The following UVRAG variants were observed in gnomAD, a reference collection of about 807,000 sequenced individuals.
UVRAG encodes the protein UV radiation resistance associated.
UVRAG carries 19 observed loss-of-function variants against 78.0 expected under a neutral mutation model. The ratio of observed to expected loss-of-function variants is 0.24; its 90% CI spans 0.17 to 0.36. UVRAG has a LOEUF of 0.36. UVRAG is among the 10% of genes least tolerant of loss of function. UVRAG has a pLI of 1.00. For missense variants in UVRAG, 740 were observed against 853.8 expected (o/e 0.87, Z 1.66); for synonymous variants, 323 against 324.6 (o/e 1.00, Z 0.05).
intron 7 of UVRAG, among the ~76,000 whole-genome samples, chr11:75,965,936 G>A (rs1949014631): frequency 1.3e-5 from 2 of 152,030 alleles, no homozygotes; most frequent in African/African-American, 4.8e-5. Flanking sequence ...AGTAAGAACA[G>A]GAATCCTCAC....
At chr11:76,087,599 C>A (rs150036869) in intron 13 of UVRAG, among the ~76,000 whole-genome samples, 1 of 151,934 alleles carries the variant, frequency 6.6e-6, no homozygotes, top group Non-Finnish European at 1.5e-5. Flanking sequence ...CTTCGAAGCT[C>A]GGAAAAATTA....
chr11:76,007,511 T>C, intron 9 of UVRAG, 23 bp from the exon 10 acceptor site: 2 of 1,553,190 alleles, frequency 1.3e-6, no homozygotes, highest in Non-Finnish European at 1.8e-6. Context: ...TTTTAATAAA[T>C]GTATTTTTTC....
At chr11:76,006,517 C>G (rs543065149) in intron 9 of UVRAG, among the ~76,000 whole-genome samples, 1 of 151,680 alleles carries the variant, frequency 6.6e-6, no homozygotes, top group Admixed American at 6.6e-5. Flanking sequence ...AAAATTAGCT[C>G]AGCATGGTTG....
intron 12 of UVRAG, among the ~76,000 whole-genome samples, chr11:76,057,223 T>TA (rs56124693): frequency 0.23 from 34,368 of 151,984 alleles, 7,361 homozygotes; most frequent in African/African-American, 0.56. Flanking sequence ...TTTGATTTTT[T>TA]AGGATCAGTT....
At chr11:75,932,706 A>C (rs895774344) in intron 6 of UVRAG, among the ~76,000 whole-genome samples, 1 of 152,216 alleles carries the variant, frequency 6.6e-6, no homozygotes. Flanking sequence ...ATCAGTTTCT[A>C]TATGCCAACA....
chr11:76,100,589 A>AT (rs1951862233), intron 13 of UVRAG, among the ~76,000 whole-genome samples: 1 of 152,130 alleles, frequency 6.6e-6, no homozygotes, highest in Non-Finnish European at 1.5e-5. Flanking sequence ...ATTACCACAA[A>AT]TTTAGCAGTT....
intron 12 of UVRAG, among the ~76,000 whole-genome samples, chr11:76,041,267 CA>C (rs1346921893): frequency 1.3e-5 from 2 of 152,186 alleles, no homozygotes; most frequent in Non-Finnish European, 2.9e-5. Context: ...AGTGCAAAAG[CA>C]GGGCTTGGAG....
At chr11:76,045,495 T>C (rs886097055) in intron 12 of UVRAG, among the ~76,000 whole-genome samples, 3 of 152,178 alleles carry the variant, frequency 2.0e-5, no homozygotes, top group Admixed American at 6.5e-5. Flanking sequence ...AATATAGGGA[T>C]AAATAAAAAT....
chr11:76,022,457 T>A (rs1158011224), intron 12 of UVRAG, among the ~76,000 whole-genome samples: 1 of 152,214 alleles, frequency 6.6e-6, no homozygotes, highest in East Asian at 1.9e-4. Flanking sequence ...CTTCATATAT[T>A]TTAGACCTCT....
intron 2 of UVRAG, 64 bp downstream of exon 2, chr11:75,852,064 G>T: frequency 2.7e-6 from 3 of 1,104,854 alleles, no homozygotes; most frequent in Non-Finnish European, 4.0e-6. Context: ...TGTAACACAA[G>T]TGATTCTCAG....
At chr11:76,111,932 GA>G (rs1375990910) in intron 13 of UVRAG, among the ~76,000 whole-genome samples, 19 of 127,054 alleles carry the variant, frequency 1.5e-4, no homozygotes, top group Admixed American at 7.1e-4. Flanking sequence ...AAAATAAAGT[GA>G]AAAAAAAAAT....
At chr11:76,118,944 A>G (rs1255439186) in intron 14 of UVRAG, among the ~76,000 whole-genome samples, 3 of 152,204 alleles carry the variant, frequency 2.0e-5, no homozygotes, top group South Asian at 2.1e-4. Flanking sequence ...ACCTAGAAAA[A>G]AACTACTGTT....
chr11:75,888,009 AG>A (rs1413524471), intron 4 of UVRAG, among the ~76,000 whole-genome samples: 1 of 152,244 alleles, frequency 6.6e-6, no homozygotes, highest in Non-Finnish European at 1.5e-5. Flanking sequence ...AGTGGTTTGC[AG>A]ACAGTAATAA....
At chr11:75,865,287 CA>C (rs1195072746) in intron 3 of UVRAG, among the ~76,000 whole-genome samples, 280 of 45,738 alleles carry the variant, frequency 6.1e-3, no homozygotes, top group South Asian at 0.011. Flanking sequence ...AACTCCATCT[CA>C]AAAAAAAAAA....
At position 75,815,346 on chromosome 11, in the gene UVRAG, AG is replaced by A; in HGVS notation, c.-57del. The stretch of plus-strand genomic sequence containing the variant: ...TGCAGGGGCTTGGTAGGTGGTGGCA[AG>A]GGGGCGGCGGCGGATGCCGGAAGAG... On this transcript the variant is annotated 5_prime_UTR_variant, in exon 1 of 15. Coordinates refer to ENST00000356136, the MANE Select transcript of UVRAG (RefSeq NM_003369.4). 1 of 918,960 alleles carries A rather than the reference AG, an allele frequency of 1.1e-6. No homozygotes were observed. Among genetic ancestry groups the A allele is most frequent in the Non-Finnish European group, 1.4e-6 (1 of 697,850 alleles). The allele number at this position is 918,960 out of a possible 1,614,324, so 56.9% of individuals were successfully genotyped here.
At chr11:75,954,224 T>C (rs1948754313) in intron 6 of UVRAG, among the ~76,000 whole-genome samples, 2 of 152,316 alleles carry the variant, frequency 1.3e-5, no homozygotes, top group South Asian at 4.1e-4. Flanking sequence ...ACTCTGTCTG[T>C]GTGTTTTAAG....
intron 4 of UVRAG, among the ~76,000 whole-genome samples, chr11:75,886,987 A>G (rs1444489108): frequency 6.2e-5 from 9 of 145,960 alleles, no homozygotes; most frequent in African/African-American, 2.3e-4. Flanking sequence ...TTTTTTTGAG[A>G]CGGAGTCTCG....
At chr11:76,087,527 T>A (rs1217912655) in intron 13 of UVRAG, among the ~76,000 whole-genome samples, 1 of 152,144 alleles carries the variant, frequency 6.6e-6, no homozygotes, top group East Asian at 1.9e-4. Flanking sequence ...ACAAGGCACT[T>A]CAGTCCTCAT....
chr11:75,884,240 T>TCTTTCTCTCTCTCTCTCTCTC (rs1555080662), intron 4 of UVRAG, among the ~76,000 whole-genome samples: 28 of 132,456 alleles, frequency 2.1e-4, no homozygotes, highest in African/African-American at 8.1e-4. Context: ...CTCTCTCTCT[T>TCTTTCTCTCTCTCTCTCTCTC]TCTCTCTCTC....
Sources: gnomAD v4.1 joint callset for allele counts (sites outside exome capture counted in the v4.1 genomes callset) on GRCh38, gnomAD v4.1.1 for gene constraint, MANE v1.5 for transcripts, NCBI Gene and HGNC (gene_info 2026-07-23, HGNC 2026-07-21) for gene names.